Variants in TRIM51 observed in about 807,000 individuals in gnomAD.
TRIM51 encodes tripartite motif-containing 51, also known as tripartite motif-containing protein 51.
A neutral mutation model predicts 32.7 loss-of-function variants in TRIM51; 23 were observed. The observed-to-expected ratio is 0.70, with a 90% CI of 0.51 to 1.00. The LOEUF is 1.00. Ranked by LOEUF, TRIM51 falls within the 50% of genes least tolerant of loss-of-function variation. TRIM51 has a pLI of 0.00. For missense variants in TRIM51, 592 were observed against 539.2 expected, an observed-to-expected ratio of 1.10 and a Z score of -0.97; for synonymous variants, 177 against 181.9, an observed-to-expected ratio of 0.97 and a Z score of 0.22.
intron 3 of TRIM51, 98 bp downstream of exon 3, chr11:55,886,316 A>G (rs757474423): frequency 1.8e-5 from 18 of 991,110 alleles, no homozygotes; most frequent in Non-Finnish European, 2.6e-5. Context: ...ATGTTTCTGG[A>G]ATTCAATAAA....
At chr11:55,887,545 A>C (rs1854592305) in intron 3 of TRIM51, among the ~76,000 whole-genome samples, 1 of 152,114 alleles carries the variant, frequency 6.6e-6, no homozygotes, top group South Asian at 2.1e-4. Context: ...CATGTTGCCG[A>C]TTAGGGTGAG....
Position 55,888,134 on chromosome 11 carries a change from G to A in TRIM51, c.610G>A (p.Glu204Lys), listed in dbSNP as rs775128728. ...ACATCACTTGGAAAGGCTGCGAAAG[G>A]AGGGCGAGGACATTTTTCAGCAACT... The part of the protein sequence containing the change: ...EQHHLERLRK[E>K]GEDIFQQLNE... The change falls in exon 4 of 7, where the codon GAG becomes AAG. Residue 204 changes from glutamate to lysine, a missense_variant. Transcript: ENST00000449290. 5.6e-6 allele frequency: 9 copies of A among 1,613,724 alleles called. No homozygotes were observed. Among genetic ancestry groups the A allele is most frequent in the Admixed American group, 5.0e-5 (3 of 59,988 alleles).
At chr11:55,891,005 C>A (rs1388119080) in intron 6 of TRIM51, 128 bp from the exon 7 acceptor site, 2 of 675,050 alleles carry the variant, frequency 3.0e-6, no homozygotes, top group South Asian at 2.1e-5. Flanking sequence ...GTTGTAGTCA[C>A]AATTCTCCTG....
chr11:55,885,944 A>C, intron 2 of TRIM51, 105 bp downstream of exon 2: 1 of 1,566,342 alleles, frequency 6.4e-7, no homozygotes, highest in Non-Finnish European at 8.6e-7. Context: ...CCCCTTAAGC[A>C]TGTCTGTTAT....
intron 6 of TRIM51, among the ~76,000 whole-genome samples, chr11:55,890,371 T>A (rs1565140121): frequency 6.6e-6 from 1 of 152,338 alleles, no homozygotes; most frequent in East Asian, 1.9e-4. Flanking sequence ...ATTTTACATT[T>A]CTTTACTGTA....
chr11:55,889,689 A>G (rs553624684), intron 5 of TRIM51, among the ~76,000 whole-genome samples: 2 of 152,312 alleles, frequency 1.3e-5, no homozygotes, highest in African/African-American at 2.4e-5. Flanking sequence ...CAGTCTTAAG[A>G]CTAATGATCC....
intron 5 of TRIM51, among the ~76,000 whole-genome samples, chr11:55,889,243 TAAATAAACGAAAGAA>T (rs905979417): frequency 1.3e-5 from 2 of 151,912 alleles, no homozygotes; most frequent in Non-Finnish European, 2.9e-5. Flanking sequence ...AAACAAAAAA[TAAATAAACGAAAGAA>T]AAATAAAGGA....
chr11:55,890,162 A>G, intron 6 of TRIM51, 123 bp downstream of exon 6: 1 of 645,020 alleles, frequency 1.6e-6, no homozygotes, highest in Non-Finnish European at 2.7e-6. Flanking sequence ...CCATATGACT[A>G]TGCAACCCTT....
intron 2 of TRIM51, 101 bp from the exon 3 acceptor site, chr11:55,886,022 C>A: frequency 6.7e-7 from 1 of 1,483,764 alleles, no homozygotes; most frequent in Middle Eastern, 2.1e-4. Context: ...ACTCTCTTTT[C>A]TGTGGGTTAA....
chr11:55,886,923 A>G (rs1049510019), intron 3 of TRIM51, among the ~76,000 whole-genome samples: 1 of 152,136 alleles, frequency 6.6e-6, no homozygotes, highest in Non-Finnish European at 1.5e-5. Flanking sequence ...ATATTCATTC[A>G]TTGAAAGGTA....
Position 55,885,832 on chromosome 11 carries a change from A to C in TRIM51, c.404A>C (p.Glu135Ala). 2 of 1,611,704 alleles carry C rather than the reference A, an allele frequency of 1.2e-6. No individual in the cohort carries two copies. Among genetic ancestry groups the C allele is most frequent in the Non-Finnish European group, 1.7e-6 (2 of 1,179,680 alleles). The stretch of plus-strand genomic sequence containing the variant: ...TGTCCCATTGAGTGGGCTGCTGAGG[A>C]ACGCCGGGTAAGTGATGCCTCTGAA... ...IHCPIEWAAE[E>A]RREELLKKMQ... The change falls in exon 2 of 7, where the codon GAA becomes GCA. Residue 135 changes from glutamate to alanine, a missense_variant. Coordinates refer to ENST00000449290, the MANE Select transcript of TRIM51 (RefSeq NM_032681.4).
At chr11:55,887,976 T>A (rs1255308773) in intron 3 of TRIM51, 56 bp from the exon 4 acceptor site, 14 of 1,283,604 alleles carry the variant, frequency 1.1e-5, no homozygotes, top group Non-Finnish European at 1.6e-5. Context: ...GAGGAATCAG[T>A]GAAATTCAAG....
At chr11:55,889,079 A>G (rs531691407) in intron 5 of TRIM51, 78 bp downstream of exon 5, 703 of 1,293,404 alleles carry the variant, frequency 5.4e-4, no homozygotes, top group Non-Finnish European at 6.3e-4. Flanking sequence ...TTGAAGGTAT[A>G]ATTGATTCAG....
rs1465515292 is a variant in TRIM51 at position 55,885,474 on chromosome 11, C to A, written c.46C>A (p.Pro16Thr). The A allele has an allele frequency of 1.9e-6, 3 of 1,611,820 alleles. No homozygotes were observed. Among genetic ancestry groups the A allele is most frequent in the African/African-American group, 2.7e-5 (2 of 74,830 alleles). ...AGTCTTCCAGAGGGCACTCACCTGT[C>A]CCATCTGCATGAACTACTTCCTAGA... Reference protein sequence around the residue: ...LQVFQRALTCPICMNYFLDPV... With the variant: ...LQVFQRALTCTICMNYFLDPV... The change falls in exon 2 of 7, where the codon CCC becomes ACC. Residue 16 changes from proline to threonine, a missense_variant. Pro to Thr is a conservative substitution (Grantham distance 38). Coordinates refer to ENST00000449290, the MANE Select transcript of TRIM51 (RefSeq NM_032681.4).
rs1335792887 is a variant in TRIM51 at position 55,891,658 on chromosome 11, G to A, written c.*26G>A. ...CCAGAGAAAAGTCAGAAATGTGCCT[G>A]TATGCTCTGGGAACCTGTTTATCCC... On this transcript the variant is annotated 3_prime_UTR_variant, in exon 7 of 7. Transcript: ENST00000449290. The A allele has an allele frequency of 4.3e-6, 7 of 1,611,380 alleles. No individual in the cohort carries two copies. Among genetic ancestry groups the A allele is most frequent in the South Asian group, 1.1e-5 (1 of 91,012 alleles).
At chr11:55,890,443 T>C (rs1348288476) in intron 6 of TRIM51, among the ~76,000 whole-genome samples, 1 of 152,194 alleles carries the variant, frequency 6.6e-6, no homozygotes, top group Non-Finnish European at 1.5e-5. Flanking sequence ...TTTGTTGGAG[T>C]ATTTGTACTT....
chr11:55,886,704 T>C (rs994323440), intron 3 of TRIM51, among the ~76,000 whole-genome samples: 1 of 152,090 alleles, frequency 6.6e-6, no homozygotes, highest in African/African-American at 2.4e-5. Context: ...CTAATTAATA[T>C]TGAATAAGCC....
chr11:55,891,493 G>C lies in TRIM51; in HGVS notation c.1220G>C (p.Ser407Thr), dbSNP rs760980752. 3.1e-6 allele frequency: 5 copies of C among 1,613,458 alleles called. No homozygotes were observed. The highest frequency in any genetic ancestry group is 1.7e-6 in the Non-Finnish European group (2 of 1,179,736). ...GTGCAATATGTTCCAAGACCTACCA[G>C]CACAGTAGGATTATTCCTGGATTGT... ...LVVQYVPRPT[S>T]TVGLFLDCEG... The change falls in exon 7 of 7, where the codon AGC becomes ACC. Residue 407 changes from serine to threonine, a missense_variant. Physicochemically the swap from Ser to Thr is moderately conservative, Grantham distance 58. Transcript: ENST00000449290.
At chr11:55,888,810 A>G (rs1482950885) in intron 4 of TRIM51, among the ~76,000 whole-genome samples, 169 bp from the exon 5 acceptor site, 11 of 152,176 alleles carry the variant, frequency 7.2e-5, no homozygotes, top group Non-Finnish European at 1.5e-4. Context: ...AATTCATGAC[A>G]TATGATAGAC....
Sources: allele counts gnomAD v4.1 joint callset (sites outside exome capture counted in the v4.1 genomes callset), GRCh38; gene constraint gnomAD v4.1.1; transcripts MANE v1.5; gene names NCBI Gene and HGNC (gene_info 2026-07-23, HGNC 2026-07-21).